ZNF618: variants seen among roughly 807,000 people sequenced by gnomAD.
The protein encoded by ZNF618 is neural precursor cell expressed, developmentally down-regulated 10.
A neutral mutation model predicts 103.0 loss-of-function variants in ZNF618; 34 were observed. The ratio of observed to expected loss-of-function variants is 0.33; its 90% CI spans 0.25 to 0.44. The LOEUF is 0.44. Among genes scored for constraint, ZNF618 ranks in the 20% least tolerant of loss-of-function variants. The probability of loss-of-function intolerance (pLI) is 1.00; values close to 1 mark genes in which losing one functional copy is unlikely to be tolerated. For synonymous variants in ZNF618, 551 were observed against 542.2 expected (o/e 1.02, Z -0.23); for missense variants, 1,059 against 1,295.4 (o/e 0.82, Z 2.80).
intron 13 of ZNF618, among the ~76,000 whole-genome samples, chr9:114,036,769 A>G (rs1171172967): frequency 6.6e-6 from 1 of 152,220 alleles, no homozygotes. Flanking sequence ...ATGGAGAGAC[A>G]TGCAGCCCAA....
intron 3 of ZNF618, among the ~76,000 whole-genome samples, chr9:113,997,083 CTTCT>C (rs1384780983): frequency 6.6e-6 from 1 of 151,436 alleles, no homozygotes; most frequent in Non-Finnish European, 1.5e-5. Context: ...TCTTCTTCCT[CTTCT>C]TTCTTCTTCT....
At chr9:113,934,868 A>C (rs1833899788) in intron 1 of ZNF618, among the ~76,000 whole-genome samples, 1 of 152,224 alleles carries the variant, frequency 6.6e-6, no homozygotes, top group Admixed American at 6.5e-5. Context: ...GGACCGCCAG[A>C]GTATCCTATT....
Position 113,946,047 on chromosome 9 carries a change from G to A in ZNF618, c.34-23070G>A, listed in dbSNP as rs774684496. 2.0e-5 allele frequency among the ~76,000 whole-genome samples: 3 copies of A among 152,242 alleles called. No individual in the cohort carries two copies. The South Asian group carries it at 6.2e-4, about 32-fold the overall frequency. On this transcript the variant is annotated intron_variant, in intron 1 of 14. Transcript: ENST00000374126. ...CTCCATCGGGGACAAAGAGGACCTC[G>A]CCAAGTTAGGCTGTCCTGCCTTTTC...
At chr9:113,931,285 T>A (rs1029072491) in intron 1 of ZNF618, among the ~76,000 whole-genome samples, 1 of 152,166 alleles carries the variant, frequency 6.6e-6, no homozygotes, top group Non-Finnish European at 1.5e-5. Context: ...CTGAGCACAC[T>A]CGTGTCGGGG....
chr9:113,993,006 A>G (rs1349375750), intron 3 of ZNF618, among the ~76,000 whole-genome samples: 2 of 152,194 alleles, frequency 1.3e-5, no homozygotes, highest in Non-Finnish European at 2.9e-5. Context: ...GCTTCCTTTT[A>G]TAGTAAGAAG....
rs923970677 is a variant in ZNF618, at chr9:113,895,054, A to C, written c.33+18641A>C. On this transcript the variant is annotated intron_variant, in intron 1 of 14. Transcript: ENST00000374126. ...GAAGGATTCTAGCGTTTTGTAATCA[A>C]GTATGATATTTTATTTTGGTTTCAG... 2.6e-5 allele frequency among the ~76,000 whole-genome samples: 4 copies of C among 151,790 alleles called. No individual in the cohort carries two copies. The East Asian group carries it at 7.7e-4, about 29-fold the overall frequency.
At chr9:113,909,732 G>A (rs924792750) in intron 1 of ZNF618, among the ~76,000 whole-genome samples, 6 of 152,010 alleles carry the variant, frequency 3.9e-5, no homozygotes, top group Non-Finnish European at 8.8e-5. Context: ...GCTTGCATGC[G>A]GATGCTCCCA....
At chr9:113,998,950 C>T (rs560986450) in intron 4 of ZNF618, among the ~76,000 whole-genome samples, 3 of 152,238 alleles carry the variant, frequency 2.0e-5, no homozygotes, top group Non-Finnish European at 4.4e-5. Context: ...CCACGTTATC[C>T]CTCACAACCC....
At chr9:113,913,350 C>T (rs1292494025) in intron 1 of ZNF618, among the ~76,000 whole-genome samples, 1 of 152,252 alleles carries the variant, frequency 6.6e-6, no homozygotes, top group Non-Finnish European at 1.5e-5. Flanking sequence ...GTGCGGTTGA[C>T]CGCCTTCTTC....
At chr9:113,930,797 G>A (rs1833512866) in intron 1 of ZNF618, among the ~76,000 whole-genome samples, 1 of 152,168 alleles carries the variant, frequency 6.6e-6, no homozygotes, top group South Asian at 2.1e-4. Flanking sequence ...TGCCTCTGGT[G>A]TTGGTATTGA....
rs372177115 is a variant in ZNF618 at position 113,923,335 on chromosome 9, A to G, written c.34-45782A>G. Among the ~76,000 whole-genome samples, 14 of 152,288 alleles carry G rather than the reference A, an allele frequency of 9.2e-5. No individual in the cohort carries two copies. In the East Asian group the frequency reaches 1.9e-3, roughly 21 times the overall value. On this transcript the variant is annotated intron_variant, in intron 1 of 14. Coordinates refer to ENST00000374126, the MANE Select transcript of ZNF618 (RefSeq NM_001318042.2). ...TACGACTTCCACTATGACATTGAAT[A>G]GGAATTATGAGAGAGGACATCTTTG...
intron 1 of ZNF618, among the ~76,000 whole-genome samples, chr9:113,952,400 C>G (rs1453305147): frequency 6.6e-6 from 1 of 152,204 alleles, no homozygotes; most frequent in Admixed American, 6.5e-5. Context: ...TTTTTCCCCA[C>G]TGGGTGTCTG....
chr9:113,915,406 A>T (rs1831977777), intron 1 of ZNF618, among the ~76,000 whole-genome samples: 1 of 152,130 alleles, frequency 6.6e-6, no homozygotes, highest in Non-Finnish European at 1.5e-5. Context: ...AGCTTTGTGG[A>T]TGCCAAGGTG....
intron 2 of ZNF618, among the ~76,000 whole-genome samples, chr9:113,983,183 A>C (rs61279796): frequency 0.22 from 33,697 of 152,092 alleles, 4,370 homozygotes; most frequent in Admixed American, 0.29. Context: ...TCCACTGTAC[A>C]TTTAAATGGA....
intron 1 of ZNF618, among the ~76,000 whole-genome samples, chr9:113,960,203 C>T (rs1836715917): frequency 6.6e-6 from 1 of 152,240 alleles, no homozygotes; most frequent in Non-Finnish European, 1.5e-5. Context: ...GCAGCTTTCT[C>T]TCCTCCACCA....
chr9:113,884,504 C>T (rs574671425), intron 1 of ZNF618, among the ~76,000 whole-genome samples: 31 of 152,300 alleles, frequency 2.0e-4, no homozygotes, highest in Middle Eastern at 3.4e-3. Context: ...GTTATTTGTG[C>T]ATCATCTAGT....
At chr9:113,970,908 G>A (rs1034224130) in intron 2 of ZNF618, among the ~76,000 whole-genome samples, 2 of 146,902 alleles carry the variant, frequency 1.4e-5, no homozygotes, top group African/African-American at 5.1e-5. Context: ...ACTGCTGTGG[G>A]CCTGGCCCCT....
chr9:114,049,042 G>A lies in ZNF618; in HGVS notation c.1740G>A (p.Val580=). 6.2e-7 allele frequency: 1 copy of A among 1,613,862 alleles called. No individual in the cohort carries two copies. The highest frequency in any genetic ancestry group is 2.2e-5 in the East Asian group (1 of 44,872). The change falls in exon 15 of 15, where the codon GTG becomes GTA. Residue 580 remains valine, a synonymous_variant. Transcript: ENST00000374126. The part of the protein sequence containing the change: ...QAEGNHIKSY[V]LGVKGADIRD... ...AGGGCAACCACATCAAGAGCTATGT[G>A]CTTGGTGTGAAGGGTGCGGACATTC... is the stretch of plus-strand genomic sequence containing the variant.
intron 13 of ZNF618, among the ~76,000 whole-genome samples, chr9:114,041,615 G>A (rs1845188157): frequency 6.6e-6 from 1 of 152,102 alleles, no homozygotes; most frequent in Non-Finnish European, 1.5e-5. Context: ...TTTTTGTCAG[G>A]TTTGTCAAAG....
Sources: gnomAD v4.1 joint callset for allele counts (sites outside exome capture counted in the v4.1 genomes callset) on GRCh38, gnomAD v4.1.1 for gene constraint, MANE v1.5 for transcripts, NCBI Gene and HGNC (gene_info 2026-07-23, HGNC 2026-07-21) for gene names.